LRRC37A2: variants seen among roughly 807,000 people sequenced by gnomAD.
The protein encoded by LRRC37A2 is leucine rich repeat containing 37 member A2, also known as leucine-rich repeat-containing protein 37A2.
A neutral mutation model predicts 68.8 loss-of-function variants in LRRC37A2; 9 were observed. The ratio of observed to expected loss-of-function variants is 0.13; its 90% CI spans 0.08 to 0.23. LRRC37A2 has a LOEUF of 0.23. Among genes scored for constraint, LRRC37A2 ranks in the 10% least tolerant of loss-of-function variants. The pLI, the probability that LRRC37A2 is intolerant of heterozygous loss-of-function variation, is 1.00. For missense variants in LRRC37A2, 168 were observed against 950.4 expected (o/e 0.18, Z 10.82); for synonymous variants, 63 against 367.6 (o/e 0.17, Z 9.48).
the LRRC37A2 span, chr17:46,978,907 G>T: frequency 1.4e-6 from 2 of 1,475,252 alleles, no homozygotes; most frequent in Non-Finnish European, 1.8e-6. Flanking sequence ...GCCCAGCCAC[G>T]TGCCCAGCCC....
the LRRC37A2 span, chr17:46,876,749 G>T: frequency 1.5e-5 from 23 of 1,511,526 alleles, no homozygotes; most frequent in African/African-American, 3.0e-4. Context: ...GTCTGGCACT[G>T]CCAGGACCTC....
the LRRC37A2 span, chr17:46,930,944 A>T: frequency 1.6e-6 from 1 of 639,022 alleles, no homozygotes; most frequent in East Asian, 2.7e-5. Context: ...CCTAACTTGA[A>T]TTTTTTCTGT....
At chr17:46,826,722 TGG>T in the LRRC37A2 span, among the ~76,000 whole-genome samples, 1 of 151,730 alleles carries the variant, frequency 6.6e-6, no homozygotes, top group African/African-American at 2.4e-5. Context: ...AAATGGCACC[TGG>T]GACATGTAAA....
the LRRC37A2 span, chr17:46,923,987 C>T: frequency 2.5e-6 from 1 of 397,122 alleles, no homozygotes; most frequent in East Asian, 3.6e-5. Flanking sequence ...AAAATATACA[C>T]AACATAAGAT....
the LRRC37A2 span, among the ~76,000 whole-genome samples, chr17:46,444,654 G>A: frequency 1.3e-5 from 1 of 77,106 alleles, no homozygotes; most frequent in Admixed American, 1.1e-4. Flanking sequence ...CACCCGCTTC[G>A]GCCTCCCAAA....
At chr17:47,044,227 T>A in the LRRC37A2 span, among the ~76,000 whole-genome samples, 5 of 150,834 alleles carry the variant, frequency 3.3e-5, no homozygotes, top group African/African-American at 4.9e-5. Context: ...TTTTTTTTCC[T>A]TGTAGTCTCA....
At chr17:46,896,419 A>AAAG in the LRRC37A2 span, among the ~76,000 whole-genome samples, 4 of 92,222 alleles carry the variant, frequency 4.3e-5, no homozygotes, top group African/African-American at 2.7e-4. Context: ...AGAAAGAAAG[A>AAAG]AAGAAAGAAA....
rs1181785970 is a variant in LRRC37A2 at position 46,529,199 on chromosome 17, A to C, written c.2906+5315A>C. Among the ~76,000 whole-genome samples the C allele has an allele frequency of 9.7e-5, 13 of 133,680 alleles. No individual in the cohort carries two copies. In the South Asian group the frequency reaches 2.6e-3, roughly 26 times the overall value. The allele number at this position is 133,680 out of a possible 152,430, so 87.7% of individuals were successfully genotyped here. Reference sequence around the variant, plus strand: ...CCTGTACAGAAGAATTTGGAGGGAAAAAAAAGAACAAGCAAGAAATGTTCC... The same window carrying C: ...CCTGTACAGAAGAATTTGGAGGGAACAAAAAGAACAAGCAAGAAATGTTCC... On this transcript the variant is annotated intron_variant, in intron 6 of 14. Coordinates refer to ENST00000576629, the Ensembl canonical transcript of LRRC37A2.
the LRRC37A2 span, among the ~76,000 whole-genome samples, chr17:46,728,397 T>A: frequency 1.2e-4 from 19 of 152,308 alleles, no homozygotes; most frequent in South Asian, 3.9e-3. Flanking sequence ...GAATTTTTTT[T>A]TCCTTCCAAA....
the LRRC37A2 span, chr17:47,024,542 G>T: frequency 4.2e-6 from 3 of 707,998 alleles, no homozygotes; most frequent in Admixed American, 2.2e-5. Flanking sequence ...GTAAGAAAAG[G>T]TTTGAATGAA....
the LRRC37A2 span, among the ~76,000 whole-genome samples, chr17:46,846,601 C>A: frequency 1.3e-5 from 2 of 152,240 alleles, no homozygotes; most frequent in Admixed American, 6.5e-5. Flanking sequence ...CTGCCCTTGG[C>A]CACAGAAGCA....
the LRRC37A2 span, among the ~76,000 whole-genome samples, chr17:46,974,364 A>C: frequency 3.9e-5 from 6 of 152,182 alleles, no homozygotes; most frequent in Non-Finnish European, 8.8e-5. Context: ...CAGTAAACAG[A>C]ATCTTAATTT....
the LRRC37A2 span, among the ~76,000 whole-genome samples, chr17:46,730,233 G>A: frequency 6.6e-6 from 1 of 152,110 alleles, no homozygotes; most frequent in African/African-American, 2.4e-5. Flanking sequence ...AAAACTTTAT[G>A]TCAGCATATT....
the LRRC37A2 span, among the ~76,000 whole-genome samples, chr17:46,494,690 A>G: frequency 4.0e-5 from 6 of 151,630 alleles, no homozygotes; most frequent in African/African-American, 1.5e-4. Context: ...TTCTTTTTTC[A>G]CTGTTTCCTT....
chr17:46,818,610 C>G, the LRRC37A2 span: 2 of 1,587,580 alleles, frequency 1.3e-6, no homozygotes, highest in Non-Finnish European at 1.7e-6. Context: ...GAAGAGGCGC[C>G]GAGGAGGAAG....
At chr17:46,874,419 C>T in the LRRC37A2 span, among the ~76,000 whole-genome samples, 1 of 152,138 alleles carries the variant, frequency 6.6e-6, no homozygotes, top group Non-Finnish European at 1.5e-5. Context: ...CAGGTTTAGC[C>T]CCAACTGTGC....
the LRRC37A2 span, among the ~76,000 whole-genome samples, chr17:46,714,950 G>A: frequency 6.6e-6 from 1 of 152,166 alleles, no homozygotes; most frequent in Non-Finnish European, 1.5e-5. Flanking sequence ...GCTTTATAAA[G>A]ATGTATTGTA....
chr17:46,492,100 A>T, the LRRC37A2 span, among the ~76,000 whole-genome samples: 1 of 150,990 alleles, frequency 6.6e-6, no homozygotes, highest in Middle Eastern at 3.4e-3. Flanking sequence ...AGTGGCTGGG[A>T]TTACAGGCGC....
chr17:47,031,265 T>C, the LRRC37A2 span, among the ~76,000 whole-genome samples: 43 of 148,508 alleles, frequency 2.9e-4, no homozygotes, highest in Non-Finnish European at 5.2e-4. Context: ...CAAACAACCA[T>C]ATCGAGGTTT....
Sources: gnomAD v4.1 joint callset for allele counts (sites outside exome capture counted in the v4.1 genomes callset) on GRCh38, gnomAD v4.1.1 for gene constraint, MANE v1.5 for transcripts, NCBI Gene and HGNC (gene_info 2026-07-23, HGNC 2026-07-21) for gene names.